HS3ST4: variants seen among roughly 807,000 people sequenced by gnomAD.
HS3ST4 encodes the protein heparan sulfate glucosamine 3-O-sulfotransferase 4.
Under a neutral mutation model 29.2 loss-of-function variants are expected in HS3ST4, and 17 were observed. The ratio of observed to expected loss-of-function variants is 0.58; its 90% CI spans 0.40 to 0.87. HS3ST4 has a LOEUF of 0.87. HS3ST4 is among the 40% of genes least tolerant of loss of function. The pLI, the probability that HS3ST4 is intolerant of heterozygous loss-of-function variation, is 0.00. For synonymous variants in HS3ST4, 314 were observed against 285.7 expected (o/e 1.10, Z -1.00); for missense variants, 627 against 634.5 (o/e 0.99, Z 0.13).
intron 1 of HS3ST4, among the ~76,000 whole-genome samples, chr16:26,051,496 T>G (rs903027350): frequency 6.6e-6 from 1 of 152,108 alleles, no homozygotes; most frequent in Non-Finnish European, 1.5e-5. Context: ...TGGTCAATAT[T>G]ATTGTGTTTA....
At chr16:25,918,472 G>A (rs1255246210) in intron 1 of HS3ST4, among the ~76,000 whole-genome samples, 1 of 152,196 alleles carries the variant, frequency 6.6e-6, no homozygotes, top group African/African-American at 2.4e-5. Context: ...GCATGCATGT[G>A]CACAAGAGTT....
intron 1 of HS3ST4, among the ~76,000 whole-genome samples, chr16:25,696,914 C>T (rs989916140): frequency 2.0e-5 from 3 of 152,130 alleles, no homozygotes; most frequent in Non-Finnish European, 1.5e-5. Flanking sequence ...TGATGATATG[C>T]TGAGATATGT....
At chr16:25,912,685 C>A (rs116019735) in intron 1 of HS3ST4, among the ~76,000 whole-genome samples, 2,189 of 152,238 alleles carry the variant, frequency 0.014, 44 homozygotes, top group African/African-American at 0.042. Flanking sequence ...AGCGTGAGTC[C>A]TGGGTCGGCT....
chr16:25,711,375 G>GA lies in HS3ST4; in HGVS notation c.734+18235dup, dbSNP rs374030733. ...TGTGTATTCTTTAAAAGGAAAGGGA[G>GA]AAAAAAAAAAATCCCTTCCGCCTGG... is the stretch of plus-strand genomic sequence containing the variant. On this transcript the variant is annotated intron_variant, in intron 1 of 1. Transcript: ENST00000331351. Among the ~76,000 whole-genome samples, 316 of 145,442 alleles carry GA rather than the reference G, an allele frequency of 2.2e-3. 1 individual carries two copies. The highest frequency in any genetic ancestry group is 7.0e-3 in the African/African-American group (278 of 39,830).
chr16:26,115,146 A>G (rs915905692), intron 1 of HS3ST4, among the ~76,000 whole-genome samples: 2 of 151,026 alleles, frequency 1.3e-5, no homozygotes, highest in Non-Finnish European at 3.0e-5. Context: ...TTGTGTCAAC[A>G]TACTCCCACA....
rs184290883 is a variant in HS3ST4 at position 26,077,546 on chromosome 16, T to C, written c.735-58066T>C. Reference sequence around the variant, plus strand: ...ATTGAGCACTTATTGCCACCTGACATGTTACACGTTTATTTGTGATATTCC... The same window carrying C: ...ATTGAGCACTTATTGCCACCTGACACGTTACACGTTTATTTGTGATATTCC... On this transcript the variant is annotated intron_variant, in intron 1 of 1. Transcript: ENST00000331351. Among the ~76,000 whole-genome samples the C allele has an allele frequency of 2.4e-3, 371 of 152,350 alleles. 2 individuals carry two copies. The highest frequency in any genetic ancestry group is 8.8e-3 in the African/African-American group (364 of 41,582).
At chr16:25,966,855 G>A (rs535993291) in intron 1 of HS3ST4, among the ~76,000 whole-genome samples, 7 of 152,300 alleles carry the variant, frequency 4.6e-5, no homozygotes, top group Admixed American at 2.0e-4. Context: ...CCAGTTCTGA[G>A]ATGAAGTGGC....
intron 1 of HS3ST4, among the ~76,000 whole-genome samples, chr16:25,936,375 A>G (rs192466889): frequency 1.1e-4 from 16 of 152,292 alleles, no homozygotes; most frequent in Admixed American, 1.0e-3. Context: ...ATTTAGAACC[A>G]TCTGATCAAG....
intron 1 of HS3ST4, among the ~76,000 whole-genome samples, chr16:25,994,559 AT>A (rs1372355063): frequency 6.6e-6 from 1 of 152,008 alleles, no homozygotes; most frequent in African/African-American, 2.4e-5. Flanking sequence ...GATCCCACTT[AT>A]TTATTTTTTA....
At chr16:25,951,134 G>A (rs1052680897) in intron 1 of HS3ST4, among the ~76,000 whole-genome samples, 17 of 152,190 alleles carry the variant, frequency 1.1e-4, no homozygotes, top group African/African-American at 4.1e-4. Context: ...ATCATTTGGT[G>A]CTGGGTGGAA....
At chr16:26,040,357 G>A (rs12597921) in intron 1 of HS3ST4, among the ~76,000 whole-genome samples, 12,773 of 150,022 alleles carry the variant, frequency 0.085, 1,311 homozygotes, top group East Asian at 0.28. Flanking sequence ...AGGCTGGAGC[G>A]CAGTGGCATG....
At chr16:25,814,788 G>C (rs1401926266) in intron 1 of HS3ST4, among the ~76,000 whole-genome samples, 4 of 152,236 alleles carry the variant, frequency 2.6e-5, no homozygotes, top group Admixed American at 6.5e-5. Context: ...AAGATCTGCT[G>C]TATGGTTGTG....
chr16:26,134,271 T>C (rs550594107), intron 1 of HS3ST4, among the ~76,000 whole-genome samples: 6 of 152,264 alleles, frequency 3.9e-5, no homozygotes, highest in African/African-American at 1.4e-4. Context: ...ATCCCATATA[T>C]TGAGCCATAC....
At chr16:25,895,487 C>T (rs1164145276) in intron 1 of HS3ST4, among the ~76,000 whole-genome samples, 2 of 151,432 alleles carry the variant, frequency 1.3e-5, no homozygotes, top group Non-Finnish European at 2.9e-5. Flanking sequence ...GTCAGGGGCT[C>T]GATAAGCAGG....
chr16:26,037,549 G>C (rs1596658771), intron 1 of HS3ST4, among the ~76,000 whole-genome samples: 1 of 152,332 alleles, frequency 6.6e-6, no homozygotes, highest in Non-Finnish European at 1.5e-5. Flanking sequence ...CTAGGAGCCA[G>C]CTCTTCCCAT....
intron 1 of HS3ST4, among the ~76,000 whole-genome samples, chr16:25,725,942 A>G (rs1966532076): frequency 1.3e-5 from 2 of 152,162 alleles, no homozygotes; most frequent in South Asian, 2.1e-4. Flanking sequence ...TTCTTTTACT[A>G]TGCCTTGCAG....
intron 1 of HS3ST4, among the ~76,000 whole-genome samples, chr16:25,853,666 T>G (rs1460124556): frequency 1.3e-5 from 2 of 152,230 alleles, no homozygotes; most frequent in Admixed American, 6.5e-5. Flanking sequence ...GTTAATATGA[T>G]GTATCACATT....
At chr16:25,965,930 G>T (rs6497905) in intron 1 of HS3ST4, among the ~76,000 whole-genome samples, 124,329 of 152,126 alleles carry the variant, frequency 0.82, 51,302 homozygotes, top group African/African-American at 0.94. Flanking sequence ...CCTCCCACCT[G>T]GGCCTCCCAA....
At chr16:25,792,960 A>G (rs1404797750) in intron 1 of HS3ST4, among the ~76,000 whole-genome samples, 2 of 151,944 alleles carry the variant, frequency 1.3e-5, no homozygotes, top group African/African-American at 4.8e-5. Context: ...GCATTCTACC[A>G]ACTATATTTT....
Sources: allele counts gnomAD v4.1 joint callset (sites outside exome capture counted in the v4.1 genomes callset), GRCh38; gene constraint gnomAD v4.1.1; transcripts MANE v1.5; gene names NCBI Gene and HGNC (gene_info 2026-07-23, HGNC 2026-07-21).